The following CHCHD3 variants were observed in gnomAD, a reference collection of about 807,000 sequenced individuals.
CHCHD3 encodes the protein coiled-coil-helix-coiled-coil-helix domain containing 3.
Under a neutral mutation model 38.2 loss-of-function variants are expected in CHCHD3, and 20 were observed. The observed-to-expected ratio is 0.52, with a 90% confidence interval of 0.37 to 0.76. The LOEUF is 0.76. Ranked by LOEUF, CHCHD3 falls within the 30% of genes least tolerant of loss-of-function variation. The pLI, the probability that CHCHD3 is intolerant of heterozygous loss-of-function variation, is 0.00. For missense variants in CHCHD3, 245 were observed against 279.2 expected (o/e 0.88, Z 0.87); for synonymous variants, 82 against 100.0 (o/e 0.82, Z 1.07).
Position 133,027,696 on chromosome 7 carries a change from G to A in CHCHD3, c.170-3069C>T, listed in dbSNP as rs191333478. 1.8e-3 allele frequency among the ~76,000 whole-genome samples: 275 copies of A among 152,242 alleles called. 2 individuals carry two copies. The highest frequency in any genetic ancestry group is 6.3e-3 in the African/African-American group (260 of 41,550). ...TCCTACTTCATAGTCTATATAGCAT[G>A]AGAAAAATATAAGCCTCTACTTTGA... On this transcript the variant is annotated intron_variant, in intron 2 of 7. Transcript: ENST00000262570.
chr7:133,065,436 T>C (rs998289992), intron 2 of CHCHD3, among the ~76,000 whole-genome samples: 2 of 152,234 alleles, frequency 1.3e-5, no homozygotes, highest in African/African-American at 2.4e-5. Flanking sequence ...AGTTCCTATA[T>C]ACAGAAATCC....
intron 3 of CHCHD3, among the ~76,000 whole-genome samples, chr7:132,983,851 G>A (rs2117350320): frequency 6.6e-6 from 1 of 152,320 alleles, no homozygotes; most frequent in Non-Finnish European, 1.5e-5. Flanking sequence ...TGTAGAAAAA[G>A]AAAAGAAAAT....
intron 4 of CHCHD3, among the ~76,000 whole-genome samples, chr7:132,932,538 A>G (rs28604488): frequency 0.019 from 2,958 of 152,308 alleles, 62 homozygotes; most frequent in East Asian, 0.11. Context: ...AATCACTGCC[A>G]TTCATGCACT....
chr7:132,975,800 A>G (rs1429328249), intron 3 of CHCHD3, among the ~76,000 whole-genome samples: 1 of 152,060 alleles, frequency 6.6e-6, no homozygotes, highest in Non-Finnish European at 1.5e-5. Context: ...GCGTGGTGAT[A>G]CATTCCTGTA....
At chr7:132,985,136 G>A (rs1285781738) in intron 3 of CHCHD3, among the ~76,000 whole-genome samples, 1 of 82,128 alleles carries the variant, frequency 1.2e-5, no homozygotes, top group Non-Finnish European at 2.5e-5. Context: ...CCTCTGCCCG[G>A]CCGCCCCTAC....
chr7:132,959,328 C>T (rs1811254823), intron 4 of CHCHD3, among the ~76,000 whole-genome samples: 1 of 152,194 alleles, frequency 6.6e-6, no homozygotes, highest in South Asian at 2.1e-4. Context: ...ACCCTTAATA[C>T]ACAGTTGTCT....
chr7:132,885,589 T>TCTAAATA, intron 5 of CHCHD3, 73 bp downstream of exon 5: 2 of 1,199,580 alleles, frequency 1.7e-6, no homozygotes, highest in Non-Finnish European at 2.3e-6. Flanking sequence ...AGTTCTAATT[T>TCTAAATA]ATTAATTTTT....
At position 133,041,527 on chromosome 7, in the gene CHCHD3, T is replaced by C. The variant is rs558884950; in HGVS notation, c.170-16900A>G. On this transcript the variant is annotated intron_variant, in intron 2 of 7. Coordinates refer to ENST00000262570, the MANE Select transcript of CHCHD3 (RefSeq NM_017812.4). Reference sequence around the variant, plus strand: ...TGAAAAAATGTCTCAGCTATCCCAATGTTTGCTGAAAACCTAAGTGAAGCG... The same window carrying C: ...TGAAAAAATGTCTCAGCTATCCCAACGTTTGCTGAAAACCTAAGTGAAGCG... Among the ~76,000 whole-genome samples, 11 of 152,316 alleles carry C rather than the reference T, an allele frequency of 7.2e-5. No individual in the cohort carries two copies. The South Asian group carries it at 1.0e-3, about 14-fold the overall frequency.
rs79346222 is a variant in CHCHD3, at chr7:132,791,726, G to C, written c.660+4716C>G. Among the ~76,000 whole-genome samples, 520 of 152,288 alleles carry C rather than the reference G, an allele frequency of 3.4e-3. 5 individuals carry two copies. Among genetic ancestry groups the C allele is most frequent in the African/African-American group, 0.011 (477 of 41,554 alleles). On this transcript the variant is annotated intron_variant, in intron 7 of 7. Transcript: ENST00000262570. ...CAGGGCAAATTCCTCCATATGCACT[G>C]ATCTTGAGGCTTTGACTTAGGAAGC...
chr7:132,813,723 G>A (rs1026478728), intron 6 of CHCHD3, among the ~76,000 whole-genome samples: 3 of 152,094 alleles, frequency 2.0e-5, no homozygotes, highest in African/African-American at 7.2e-5. Flanking sequence ...TTTAGAATAC[G>A]ATACATCTGA....
At chr7:132,856,609 C>G (rs891559014) in intron 5 of CHCHD3, among the ~76,000 whole-genome samples, 1 of 152,124 alleles carries the variant, frequency 6.6e-6, no homozygotes, top group Non-Finnish European at 1.5e-5. Flanking sequence ...CCAAATGTAA[C>G]CAGACCAAAT....
intron 1 of CHCHD3, among the ~76,000 whole-genome samples, chr7:133,079,572 T>C (rs1177563109): frequency 6.6e-6 from 1 of 152,244 alleles, no homozygotes; most frequent in African/African-American, 2.4e-5. Context: ...CCTCATCTTC[T>C]TACAATAACC....
intron 6 of CHCHD3, among the ~76,000 whole-genome samples, chr7:132,809,930 G>A (rs544912512): frequency 4.6e-5 from 7 of 152,128 alleles, no homozygotes; most frequent in South Asian, 2.1e-4. Context: ...AACAACATAC[G>A]AATTTTGTAC....
intron 1 of CHCHD3, among the ~76,000 whole-genome samples, chr7:133,073,176 T>A (rs1814877511): frequency 6.6e-6 from 1 of 152,146 alleles, no homozygotes. Context: ...TCCCGTCTTC[T>A]GGAAAGCCCT....
intron 5 of CHCHD3, among the ~76,000 whole-genome samples, chr7:132,855,041 A>G (rs1347454593): frequency 1.3e-5 from 2 of 152,218 alleles, no homozygotes; most frequent in Non-Finnish European, 2.9e-5. Flanking sequence ...AGGGGCCACT[A>G]TCTTTATTTT....
chr7:133,018,526 T>A (rs1264225418), intron 3 of CHCHD3, among the ~76,000 whole-genome samples: 2 of 152,242 alleles, frequency 1.3e-5, no homozygotes, highest in Non-Finnish European at 2.9e-5. Context: ...AAAGTTTTTT[T>A]AATTACTTAC....
intron 2 of CHCHD3, among the ~76,000 whole-genome samples, chr7:133,031,770 T>C (rs1456262138): frequency 1.3e-5 from 2 of 152,124 alleles, no homozygotes; most frequent in Non-Finnish European, 2.9e-5. Flanking sequence ...ACAAAATAAA[T>C]ATATGTACCT....
intron 6 of CHCHD3, among the ~76,000 whole-genome samples, chr7:132,829,145 G>A (rs533114796): frequency 6.6e-6 from 1 of 152,130 alleles, no homozygotes; most frequent in Admixed American, 6.5e-5. Context: ...AGTTGGAATT[G>A]GCAAGAGGAC....
At chr7:133,023,070 T>C (rs1813238271) in intron 3 of CHCHD3, among the ~76,000 whole-genome samples, 1 of 151,964 alleles carries the variant, frequency 6.6e-6, no homozygotes, top group South Asian at 2.1e-4. Flanking sequence ...ATTGATTCTC[T>C]TTTTTTAAAA....
Sources: allele counts gnomAD v4.1 joint callset (sites outside exome capture counted in the v4.1 genomes callset), GRCh38; gene constraint gnomAD v4.1.1; transcripts MANE v1.5; gene names NCBI Gene and HGNC (gene_info 2026-07-23, HGNC 2026-07-21).